The following BCAT1 variants were observed in gnomAD, a reference collection of about 807,000 sequenced individuals.
BCAT1 encodes the protein branched-chain-amino-acid aminotransferase, cytosolic.
BCAT1 carries 48 observed loss-of-function variants against 52.4 expected under a neutral mutation model. The observed-to-expected ratio is 0.92, with a 90% CI of 0.73 to 1.16. BCAT1 has a LOEUF of 1.16. Ranked by LOEUF, BCAT1 falls within the 50% of genes most tolerant of loss-of-function variation. The pLI is 0.00. For missense variants in BCAT1, 451 were observed against 457.1 expected, an observed-to-expected ratio of 0.99 and a Z score of 0.12; for synonymous variants, 167 against 161.3, an observed-to-expected ratio of 1.04 and a Z score of -0.27.
intron 10 of BCAT1, among the ~76,000 whole-genome samples, chr12:24,828,104 T>A (rs918680798): frequency 6.6e-6 from 1 of 152,194 alleles, no homozygotes; most frequent in African/African-American, 2.4e-5. Flanking sequence ...TCTGGAGGCC[T>A]GTTGCATTCT....
At chr12:24,913,808 T>C (rs921800237) in intron 1 of BCAT1, among the ~76,000 whole-genome samples, 2 of 152,182 alleles carry the variant, frequency 1.3e-5, no homozygotes, top group Non-Finnish European at 2.9e-5. Flanking sequence ...TGCTGGACCC[T>C]CTCTGGAATG....
At chr12:24,897,699 A>C (rs760349004) in intron 2 of BCAT1, among the ~76,000 whole-genome samples, 1 of 152,156 alleles carries the variant, frequency 6.6e-6, no homozygotes, top group Non-Finnish European at 1.5e-5. Flanking sequence ...GACTACAGGC[A>C]TGTGCCACAA....
intron 6 of BCAT1, among the ~76,000 whole-genome samples, chr12:24,842,426 A>T (rs932414353): frequency 3.3e-5 from 5 of 152,212 alleles, no homozygotes; most frequent in Non-Finnish European, 5.9e-5. Flanking sequence ...AACTGCATTC[A>T]TTGGAGAGAG....
At chr12:24,933,331 T>G (rs1472585310) in intron 1 of BCAT1, among the ~76,000 whole-genome samples, 4 of 151,960 alleles carry the variant, frequency 2.6e-5, no homozygotes, top group Non-Finnish European at 5.9e-5. Flanking sequence ...ATACCACCAT[T>G]TCATAAACAA....
At chr12:24,906,529 G>A (rs949890872) in intron 1 of BCAT1, among the ~76,000 whole-genome samples, 3 of 152,152 alleles carry the variant, frequency 2.0e-5, no homozygotes, top group Admixed American at 6.5e-5. Context: ...TGTAAAATGA[G>A]ACAATAGCAA....
intron 10 of BCAT1, among the ~76,000 whole-genome samples, chr12:24,828,978 GC>G (rs1336328168): frequency 6.6e-6 from 1 of 152,052 alleles, no homozygotes; most frequent in Non-Finnish European, 1.5e-5. Flanking sequence ...CTGTTCTCCA[GC>G]CTGGGTGACA....
At chr12:24,857,222 C>A (rs373540903) in intron 5 of BCAT1, among the ~76,000 whole-genome samples, 89 of 152,328 alleles carry the variant, frequency 5.8e-4, no homozygotes, top group African/African-American at 2.0e-3. Flanking sequence ...CAACTTCTGA[C>A]TCCCTGTCTT....
chr12:24,943,760 A>G (rs546457531), intron 1 of BCAT1, among the ~76,000 whole-genome samples: 373 of 152,232 alleles, frequency 2.5e-3, no homozygotes, highest in Non-Finnish European at 3.4e-3. Context: ...CGAGGCGGGC[A>G]GATCACGAGG....
intron 7 of BCAT1, among the ~76,000 whole-genome samples, chr12:24,837,323 A>C (rs1199672040): frequency 6.6e-6 from 1 of 152,148 alleles, no homozygotes; most frequent in Admixed American, 6.5e-5. Context: ...TCTTACTCAG[A>C]AAAACTGGTC....
chr12:24,866,417 C>T (rs1203564469), intron 5 of BCAT1, among the ~76,000 whole-genome samples: 3 of 152,202 alleles, frequency 2.0e-5, no homozygotes, highest in Admixed American at 2.0e-4. Flanking sequence ...CCTGAGTCTC[C>T]CTGACGAGTG....
intron 3 of BCAT1, among the ~76,000 whole-genome samples, chr12:24,882,332 A>G (rs1942527621): frequency 6.6e-6 from 1 of 152,208 alleles, no homozygotes; most frequent in African/African-American, 2.4e-5. Context: ...AATAAGTTAA[A>G]CTGAACGATA....
At chr12:24,847,312 C>T (rs1333471592) in intron 6 of BCAT1, among the ~76,000 whole-genome samples, 2 of 152,152 alleles carry the variant, frequency 1.3e-5, no homozygotes, top group Admixed American at 1.3e-4. Flanking sequence ...CTACCATTAC[C>T]AATGCCTCAC....
At chr12:24,851,734 G>T (rs1314138515) in intron 5 of BCAT1, among the ~76,000 whole-genome samples, 1 of 152,196 alleles carries the variant, frequency 6.6e-6, no homozygotes, top group Non-Finnish European at 1.5e-5. Context: ...GCGCCTTAAA[G>T]CTTCATTTGC....
At chr12:24,886,017 A>G (rs149547518) in intron 3 of BCAT1, among the ~76,000 whole-genome samples, 377 of 152,362 alleles carry the variant, frequency 2.5e-3, no homozygotes, top group Non-Finnish European at 4.5e-3. Context: ...TAATTTAAAC[A>G]TATTTCTTGT....
At chr12:24,900,388 T>C (rs2133589) in intron 2 of BCAT1, among the ~76,000 whole-genome samples, 48,968 of 151,864 alleles carry the variant, frequency 0.32, 7,992 homozygotes, top group Middle Eastern at 0.44. Flanking sequence ...GAGTTGGAGA[T>C]CAGTCTGGGC....
chr12:24,876,260 T>TA (rs71448093), intron 5 of BCAT1, among the ~76,000 whole-genome samples: 69,501 of 109,462 alleles, frequency 0.63, 21,424 homozygotes, highest in East Asian at 0.79. Flanking sequence ...GAGGGAGATG[T>TA]AAAAAAAAAA....
At chr12:24,884,200 C>T (rs538380030) in intron 3 of BCAT1, among the ~76,000 whole-genome samples, 1 of 152,246 alleles carries the variant, frequency 6.6e-6, no homozygotes, top group South Asian at 2.1e-4. Context: ...TTTACAATGA[C>T]ATGGGGAACC....
At chr12:24,934,101 CT>C (rs1480245401) in intron 1 of BCAT1, among the ~76,000 whole-genome samples, 2 of 152,198 alleles carry the variant, frequency 1.3e-5, no homozygotes, top group Non-Finnish European at 2.9e-5. Context: ...GCTTGCTTGT[CT>C]ATGTGTGGGG....
intron 10 of BCAT1, among the ~76,000 whole-genome samples, chr12:24,824,033 C>A (rs1210441812): frequency 6.6e-6 from 1 of 152,114 alleles, no homozygotes; most frequent in African/African-American, 2.4e-5. Flanking sequence ...TATTTTGTCA[C>A]CATTTCAATT....
Sources: gnomAD v4.1 joint callset for allele counts (sites outside exome capture counted in the v4.1 genomes callset) on GRCh38, gnomAD v4.1.1 for gene constraint, MANE v1.5 for transcripts, NCBI Gene and HGNC (gene_info 2026-07-23, HGNC 2026-07-21) for gene names.